The following CUX1 variants were observed in gnomAD, a reference collection of about 807,000 sequenced individuals.
CUX1 encodes the protein protein CASP.
A neutral mutation model predicts 158.8 loss-of-function variants in CUX1; 31 were observed. That is an observed-to-expected ratio of 0.20 (90% CI 0.15 to 0.26). The LOEUF (loss-of-function observed/expected upper bound fraction) is 0.26, where lower values mean the gene tolerates loss of function less well. Ranked by LOEUF, CUX1 falls within the 10% of genes least tolerant of loss-of-function variation. The pLI is 1.00. For synonymous variants in CUX1, 879 were observed against 862.1 expected, an observed-to-expected ratio of 1.02 and a Z score of -0.34; for missense variants, 1,589 against 2,014.6, an observed-to-expected ratio of 0.79 and a Z score of 4.04.
chr7:102,168,175 T>G (rs1791263464), intron 9 of CUX1, among the ~76,000 whole-genome samples: 1 of 151,904 alleles, frequency 6.6e-6, no homozygotes, highest in African/African-American at 2.4e-5. Context: ...GCCACCTTCC[T>G]GATGGCTGGT....
At chr7:102,007,847 C>A (rs1215310661) in intron 2 of CUX1, among the ~76,000 whole-genome samples, 2 of 151,804 alleles carry the variant, frequency 1.3e-5, no homozygotes, top group Non-Finnish European at 2.9e-5. Flanking sequence ...TGGGTTCAAG[C>A]GATTCTACTG....
rs1310904001 is a variant in CUX1 at position 101,939,080 on chromosome 7, T to C, written c.141+22855T>C. 8.8e-3 allele frequency among the ~76,000 whole-genome samples: 267 copies of C among 30,508 alleles called. 14 individuals are homozygous for C. Among genetic ancestry groups the C allele is most frequent in the Non-Finnish European group, 0.018 (185 of 10,538 alleles). 20.0% of individuals were successfully genotyped at this position (30,508 alleles called of 152,430 possible). Reference sequence around the variant, plus strand: ...ATACATATATATATATATATATATATATATATATATATATATATATATATA... The same window carrying C: ...ATACATATATATATATATATATATACATATATATATATATATATATATATA... On this transcript the variant is annotated intron_variant, in intron 2 of 23. Coordinates refer to ENST00000292535, the MANE Select transcript of CUX1 (RefSeq NM_181552.4).
chr7:101,861,151 G>A (rs898889500), intron 1 of CUX1, among the ~76,000 whole-genome samples: 2 of 152,084 alleles, frequency 1.3e-5, no homozygotes, highest in East Asian at 1.9e-4. Flanking sequence ...GCTTTAGAAC[G>A]GATCTCAGCC....
chr7:101,935,960 G>A (rs1001250925), intron 2 of CUX1, among the ~76,000 whole-genome samples: 4 of 152,166 alleles, frequency 2.6e-5, no homozygotes, highest in Admixed American at 1.3e-4. Flanking sequence ...AGGACTCTGC[G>A]AGAAACACGC....
chr7:101,817,254 G>A (rs537974616), upstream of CUX1: 1 of 984,654 alleles, frequency 1.0e-6, no homozygotes, highest in Non-Finnish European at 1.2e-6. The surrounding 1 kb of genome is among the most constrained non-coding windows in gnomAD (Gnocchi z 4.1). Flanking sequence ...GCGCGCCTGG[G>A]GGCTCCGGCG....
rs116298462 is a variant in CUX1, at chr7:102,146,159, G to A, written c.675-12401G>A. Among the ~76,000 whole-genome samples, 1,095 of 152,230 alleles carry A rather than the reference G, an allele frequency of 7.2e-3. 9 individuals carry two copies. Among genetic ancestry groups the A allele is most frequent in the African/African-American group, 0.025 (1,026 of 41,540 alleles). ...CTCTAGAGAGATGCAGGAAGCAGCC[G>A]CCGATGAACCCAGATGCTCATCCCT... On this transcript the variant is annotated intron_variant, in intron 8 of 23. Coordinates refer to ENST00000292535, the MANE Select transcript of CUX1 (RefSeq NM_181552.4).
intron 2 of CUX1, among the ~76,000 whole-genome samples, chr7:101,954,289 G>A (rs1242210772): frequency 6.6e-6 from 1 of 152,216 alleles, no homozygotes; most frequent in Non-Finnish European, 1.5e-5. Flanking sequence ...GTTCAAGGCT[G>A]CAGTGAGCTA....
chr7:101,923,508 G>A lies in CUX1; in HGVS notation c.141+7283G>A, dbSNP rs760732616. 1.9e-4 allele frequency among the ~76,000 whole-genome samples: 29 copies of A among 152,322 alleles called. No individual in the cohort carries two copies. In the Middle Eastern group the frequency reaches 0.024, roughly 125 times the overall value. On this transcript the variant is annotated intron_variant, in intron 2 of 23. Transcript: ENST00000292535. The stretch of plus-strand genomic sequence containing the variant: ...AACGCTTCTTGGGTGTCTGTCTGCA[G>A]GACTTTGCTCAGTTAATTTTTGTCT...
At chr7:102,210,827 G>A (rs1796434995) in intron 20 of CUX1, among the ~76,000 whole-genome samples, 1 of 152,126 alleles carries the variant, frequency 6.6e-6, no homozygotes, top group Non-Finnish European at 1.5e-5. Flanking sequence ...AAGCCCACGG[G>A]GCCGTGGGCT....
intron 2 of CUX1, among the ~76,000 whole-genome samples, chr7:101,936,454 G>A (rs981293436): frequency 1.3e-5 from 2 of 152,138 alleles, no homozygotes; most frequent in Non-Finnish European, 2.9e-5. Flanking sequence ...TCGGGCTGGC[G>A]AGCAGACAGG....
chr7:102,223,269 T>C, intron 20 of CUX1, among the ~76,000 whole-genome samples: 2 of 152,102 alleles, frequency 1.3e-5, no homozygotes, highest in East Asian at 3.9e-4. Flanking sequence ...TTTTTTAAAG[T>C]TTAAAAAAAG....
At chr7:102,233,815 T>G (rs1681581703) in intron 21 of CUX1, among the ~76,000 whole-genome samples, 1 of 152,062 alleles carries the variant, frequency 6.6e-6, no homozygotes, top group African/African-American at 2.4e-5. Flanking sequence ...AAGAGAAATG[T>G]CATTGGTTGT....
chr7:102,222,089 T>A (rs1797864354), intron 20 of CUX1, among the ~76,000 whole-genome samples: 1 of 151,964 alleles, frequency 6.6e-6, no homozygotes, highest in Non-Finnish European at 1.5e-5. Context: ...CAAGACCCCA[T>A]CTCTCTACAA....
At position 101,984,115 on chromosome 7, in the gene CUX1, T is replaced by C. The variant is rs1336293329; in HGVS notation, c.142-43983T>C. Among the ~76,000 whole-genome samples the C allele has an allele frequency of 6.3e-5, 3 of 47,442 alleles. 1 individual carries two copies. Among genetic ancestry groups the C allele is most frequent in the African/African-American group, 2.2e-4 (3 of 13,388 alleles). The allele number at this position is 47,442 out of a possible 152,430, so 31.1% of individuals were successfully genotyped here. On this transcript the variant is annotated intron_variant, in intron 2 of 23. Transcript: ENST00000292535. ...ATATATATATATATATATATATATA[T>C]ATATATATATATATACACACACACA...
In CUX1 at chr7:101,842,449, G is replaced by A. The variant is rs1795272690; in HGVS notation, c.30+24780G>A. On this transcript the variant is annotated intron_variant, in intron 1 of 23. Transcript: ENST00000292535. ...ATCACCCAGGCTGGCACGCAGTGGCGTGATCTCTGCTCACTGCAACCTCTG... is the reference window on the plus strand; with the variant it reads ...ATCACCCAGGCTGGCACGCAGTGGCATGATCTCTGCTCACTGCAACCTCTG... Among the ~76,000 whole-genome samples, 2 of 152,266 alleles carry A rather than the reference G, an allele frequency of 1.3e-5. 1 individual carries two copies. The highest frequency in any genetic ancestry group is 1.3e-4 in the Admixed American group (2 of 15,286).
At chr7:102,137,236 G>A (rs369082883) in intron 8 of CUX1, among the ~76,000 whole-genome samples, 9 of 152,294 alleles carry the variant, frequency 5.9e-5, no homozygotes, top group African/African-American at 1.4e-4. Flanking sequence ...ACTGTGACCT[G>A]GTTTTTAGAT....
intron 1 of CUX1, among the ~76,000 whole-genome samples, chr7:101,912,265 A>G (rs1052395327): frequency 1.0e-5 from 1 of 100,498 alleles, no homozygotes; most frequent in Non-Finnish European, 1.9e-5. Context: ...CTCTATCTCC[A>G]TACGCCCTGA....
At chr7:102,101,914 TAAA>T (rs66607293) in intron 5 of CUX1, among the ~76,000 whole-genome samples, 13,057 of 139,422 alleles carry the variant, frequency 0.094, 764 homozygotes, top group African/African-American at 0.17. Flanking sequence ...TCTGTCTCAA[TAAA>T]AAAAAAAAAA....
chr7:102,076,175 G>A (rs1227107357), intron 4 of CUX1, among the ~76,000 whole-genome samples: 7 of 152,072 alleles, frequency 4.6e-5, no homozygotes, highest in African/African-American at 1.2e-4. Context: ...CTGAGATCAC[G>A]ACTTTGCAAC....
Sources: allele counts gnomAD v4.1 joint callset (sites outside exome capture counted in the v4.1 genomes callset), GRCh38; gene constraint gnomAD v4.1.1; non-coding constraint Gnocchi (gnomAD v3.1); transcripts MANE v1.5; gene names NCBI Gene and HGNC (gene_info 2026-07-23, HGNC 2026-07-21).